The following MACROD2 variants were observed in gnomAD, a reference collection of about 807,000 sequenced individuals.
MACROD2 encodes ADP-ribose glycohydrolase MACROD2.
A neutral mutation model predicts 70.4 loss-of-function variants in MACROD2; 36 were observed. The ratio of observed to expected loss-of-function variants is 0.51; its 90% CI spans 0.39 to 0.68. The LOEUF (loss-of-function observed/expected upper bound fraction) is 0.68. MACROD2 is among the 30% of genes least tolerant of loss of function. MACROD2 has a pLI of 0.00. For synonymous variants in MACROD2, 172 were observed against 178.8 expected (o/e 0.96, Z 0.30); for missense variants, 496 against 538.4 (o/e 0.92, Z 0.78).
At chr20:15,481,458 A>G (rs928153670) in intron 7 of MACROD2, among the ~76,000 whole-genome samples, 10 of 152,206 alleles carry the variant, frequency 6.6e-5, no homozygotes, top group African/African-American at 1.4e-4. Context: ...ATTCTACTAT[A>G]TAGTATATAT....
intron 8 of MACROD2, among the ~76,000 whole-genome samples, chr20:15,738,224 G>C (rs193111331): frequency 6.6e-6 from 1 of 152,250 alleles, no homozygotes; most frequent in Non-Finnish European, 1.5e-5. Context: ...AATAATAAAT[G>C]TTTGAGGTGA....
intron 5 of MACROD2, among the ~76,000 whole-genome samples, chr20:14,802,973 G>A (rs901661956): frequency 5.3e-5 from 8 of 151,798 alleles, no homozygotes; most frequent in South Asian, 2.1e-4. Flanking sequence ...GTTGCTTAAC[G>A]TCAATGGCTC....
intron 10 of MACROD2, among the ~76,000 whole-genome samples, chr20:15,901,319 T>C (rs1434196833): frequency 6.6e-6 from 1 of 152,144 alleles, no homozygotes; most frequent in African/African-American, 2.4e-5. Context: ...CCATTTACAA[T>C]GGTTTGATTT....
intron 10 of MACROD2, among the ~76,000 whole-genome samples, chr20:15,901,745 G>C (rs2065067685): frequency 6.6e-6 from 1 of 152,090 alleles, no homozygotes; most frequent in African/African-American, 2.4e-5. Context: ...CTACTTAACT[G>C]TCTCTAAAAC....
At chr20:15,885,911 TA>T (rs2064816556) in intron 10 of MACROD2, 100 bp downstream of exon 10, 10 of 1,266,162 alleles carry the variant, frequency 7.9e-6, no homozygotes, top group Non-Finnish European at 1.1e-5. Context: ...ATAAGATTAA[TA>T]AAATAGAAAT....
intron 6 of MACROD2, among the ~76,000 whole-genome samples, chr20:15,318,612 G>A (rs2077840057): frequency 6.6e-6 from 1 of 152,074 alleles, no homozygotes; most frequent in Non-Finnish European, 1.5e-5. Flanking sequence ...ATATTAAAAG[G>A]ATTATACATT....
At chr20:15,148,871 A>T (rs914087178) in intron 5 of MACROD2, among the ~76,000 whole-genome samples, 14 of 152,092 alleles carry the variant, frequency 9.2e-5, no homozygotes, top group African/African-American at 3.4e-4. Context: ...ACCGTAAGGG[A>T]TGTAAAGGTT....
intron 3 of MACROD2, among the ~76,000 whole-genome samples, chr20:14,112,103 G>A (rs1239706490): frequency 3.3e-5 from 5 of 151,984 alleles, no homozygotes; most frequent in Non-Finnish European, 5.9e-5. Context: ...AATGAAATAA[G>A]TCAGGGACAG....
chr20:15,858,502 T>C lies in MACROD2; in HGVS notation c.646-4243T>C, dbSNP rs543486050. ...TCTGGGCTTTTCAGTAGGAGTCAAG[T>C]ACTACATAGCTGGAAAAACAAGAGA... On this transcript the variant is annotated intron_variant, in intron 8 of 17. Transcript: ENST00000684519. Among the ~76,000 whole-genome samples the C allele has an allele frequency of 2.0e-5, 3 of 152,160 alleles. No individual in the cohort carries two copies. In the South Asian group the frequency reaches 6.2e-4, roughly 32 times the overall value.
In MACROD2 at chr20:15,060,046, A is replaced by G. The variant is rs1261145239; in HGVS notation, c.419-169894A>G. The stretch of plus-strand genomic sequence containing the variant: ...CAGTGCAAAATATTCTGGTACAAAT[A>G]TGTGAAGGAAAAGGCTAACACATGC... On this transcript the variant is annotated intron_variant, in intron 5 of 17. Transcript: ENST00000684519. Among the ~76,000 whole-genome samples, 9 of 152,226 alleles carry G rather than the reference A, an allele frequency of 5.9e-5. 1 individual carries two copies.
intron 5 of MACROD2, among the ~76,000 whole-genome samples, chr20:15,075,915 T>A (rs1213035448): frequency 1.3e-5 from 2 of 152,088 alleles, no homozygotes; most frequent in African/African-American, 4.8e-5. Flanking sequence ...CCAGGTACTT[T>A]TAGGAAAATT....
intron 3 of MACROD2, among the ~76,000 whole-genome samples, chr20:14,448,768 C>T (rs189386945): frequency 3.9e-4 from 55 of 142,594 alleles, no homozygotes; most frequent in African/African-American, 1.3e-3. Flanking sequence ...GATTACATCT[C>T]ATCATGCAGT....
At chr20:15,911,343 T>C (rs567895420) in intron 10 of MACROD2, among the ~76,000 whole-genome samples, 2 of 152,336 alleles carry the variant, frequency 1.3e-5, no homozygotes, top group South Asian at 4.2e-4. Flanking sequence ...TAAATATTAT[T>C]TGATCATTGA....
At chr20:15,772,101 A>AATATATAT (rs201468504) in intron 8 of MACROD2, among the ~76,000 whole-genome samples, 28 of 91,402 alleles carry the variant, frequency 3.1e-4, no homozygotes, top group East Asian at 2.1e-3. Flanking sequence ...AAAAAAAAAA[A>AATATATAT]ATATATATAT....
intron 2 of MACROD2, among the ~76,000 whole-genome samples, chr20:14,008,587 T>G (rs2052854442): frequency 6.6e-6 from 1 of 152,112 alleles, no homozygotes; most frequent in South Asian, 2.1e-4. Flanking sequence ...TAAACTACTA[T>G]CAACATTCTT....
intron 8 of MACROD2, among the ~76,000 whole-genome samples, chr20:15,607,042 A>C (rs907905043): frequency 1.3e-5 from 2 of 152,034 alleles, no homozygotes; most frequent in Admixed American, 1.3e-4. Context: ...AAGACTGGGC[A>C]TGGTGGCTCA....
At chr20:14,184,594 G>A (rs2081330268) in intron 3 of MACROD2, among the ~76,000 whole-genome samples, 1 of 151,874 alleles carries the variant, frequency 6.6e-6, no homozygotes, top group South Asian at 2.1e-4. Flanking sequence ...AATAGGAATA[G>A]CATTGAATCT....
chr20:15,109,278 C>A (rs983793368), intron 5 of MACROD2, among the ~76,000 whole-genome samples: 5 of 152,130 alleles, frequency 3.3e-5, no homozygotes, highest in African/African-American at 1.2e-4. Flanking sequence ...ACTCTGTGAT[C>A]AGAGTCGTCT....
At chr20:15,008,882 G>A (rs2075060579) in intron 5 of MACROD2, among the ~76,000 whole-genome samples, 1 of 152,092 alleles carries the variant, frequency 6.6e-6, no homozygotes, top group South Asian at 2.1e-4. Context: ...TGGTTGGATG[G>A]ATTTTTTTCC....
Sources: allele counts gnomAD v4.1 joint callset (sites outside exome capture counted in the v4.1 genomes callset), GRCh38; gene constraint gnomAD v4.1.1; transcripts MANE v1.5; gene names NCBI Gene and HGNC (gene_info 2026-07-23, HGNC 2026-07-21).